GRM7: variants seen among roughly 807,000 people sequenced by gnomAD.
GRM7 encodes the protein glutamate metabotropic receptor 7.
GRM7 carries 35 observed loss-of-function variants against 84.5 expected under a neutral mutation model. The observed-to-expected ratio is 0.41, with a 90% CI of 0.32 to 0.55. GRM7 has a LOEUF of 0.55. Among genes scored for constraint, GRM7 ranks in the 20% least tolerant of loss-of-function variants. The probability of loss-of-function intolerance (pLI) is 0.19; values close to 1 mark genes in which losing one functional copy is unlikely to be tolerated. For synonymous variants in GRM7, 487 were observed against 455.1 expected, an observed-to-expected ratio of 1.07 and a Z score of -0.89; for missense variants, 1,003 against 1,194.6, an observed-to-expected ratio of 0.84 and a Z score of 2.36.
chr3:7,464,306 C>T (rs1698372839), intron 7 of GRM7, among the ~76,000 whole-genome samples: 1 of 151,984 alleles, frequency 6.6e-6, no homozygotes, highest in African/African-American at 2.4e-5. Flanking sequence ...AGGGAGGCAG[C>T]TGGGAGTAGA....
chr3:7,256,900 G>A (rs1317588527), intron 2 of GRM7, among the ~76,000 whole-genome samples: 2 of 152,166 alleles, frequency 1.3e-5, no homozygotes, highest in East Asian at 1.9e-4. Flanking sequence ...TTTTTTCAGA[G>A]GTATTTGAGA....
rs1699178077 is a variant in GRM7 at position 7,482,690 on chromosome 3, C to T, written c.1515+20968C>T. ...CAAATGTGGGTGACTCTGTTCTTTCCTGGAAGAAAGTTGATCTAGAGATAA... is the reference window on the plus strand; with the variant it reads ...CAAATGTGGGTGACTCTGTTCTTTCTTGGAAGAAAGTTGATCTAGAGATAA... On this transcript the variant is annotated intron_variant, in intron 7 of 9. Transcript: ENST00000357716. 1.3e-5 allele frequency among the ~76,000 whole-genome samples: 2 copies of T among 152,124 alleles called. 1 individual carries two copies. The highest frequency in any genetic ancestry group is 4.1e-4 in the South Asian group (2 of 4,824).
chr3:7,351,339 GAAAAAAAAAAAA>G lies in GRM7; in HGVS notation c.1033+44700_1033+44711del, dbSNP rs768248079. 3.3e-3 allele frequency among the ~76,000 whole-genome samples: 151 copies of G among 45,904 alleles called. 1 individual carries two copies. The highest frequency in any genetic ancestry group is 0.012 in the African/African-American group (144 of 11,746). 30.1% of individuals were successfully genotyped at this position (45,904 alleles called of 152,430 possible). A position where few individuals can be genotyped will look rare whatever the true frequency, so the allele number is the denominator to read the frequency against. On this transcript the variant is annotated intron_variant, in intron 4 of 9. Coordinates refer to ENST00000357716, the MANE Select transcript of GRM7 (RefSeq NM_000844.4). ...ACTCAGTTGCCTTATTCCCACAGGC[GAAAAAAAAAAAA>G]AAAAAAAAAAAACAACTGACTTATA...
rs199690151 is a variant in GRM7 at position 6,948,736 on chromosome 3, C to T, written c.519+86829C>T. Among the ~76,000 whole-genome samples the T allele has an allele frequency of 8.3e-4, 126 of 152,282 alleles. 3 individuals carry two copies. In the East Asian group the frequency reaches 0.011, roughly 13 times the overall value. On this transcript the variant is annotated intron_variant, in intron 1 of 9. Coordinates refer to ENST00000357716, the MANE Select transcript of GRM7 (RefSeq NM_000844.4). ...AGGACTTGCTTTATGAATCTGGGTG[C>T]TCCTGTATTGGGTGCATATATATTT...
intron 1 of GRM7, among the ~76,000 whole-genome samples, chr3:7,027,485 A>G (rs746434155): frequency 2.6e-5 from 4 of 152,126 alleles, no homozygotes; most frequent in Non-Finnish European, 5.9e-5. Flanking sequence ...GAGCTTACTC[A>G]TTTATGTCAT....
At chr3:7,521,268 C>A (rs1349100287) in intron 7 of GRM7, among the ~76,000 whole-genome samples, 2 of 152,162 alleles carry the variant, frequency 1.3e-5, no homozygotes, top group Admixed American at 6.5e-5. Context: ...TGGTGCATGG[C>A]CAGGTAAAAC....
chr3:7,037,807 TAAAAG>T (rs1428204917), intron 1 of GRM7, among the ~76,000 whole-genome samples: 1 of 151,988 alleles, frequency 6.6e-6, no homozygotes, highest in Admixed American at 6.6e-5. Flanking sequence ...GTTCATAAAA[TAAAAG>T]GAAAGAGAGA....
At chr3:7,201,449 G>A (rs1040663511) in intron 2 of GRM7, among the ~76,000 whole-genome samples, 2 of 152,022 alleles carry the variant, frequency 1.3e-5, no homozygotes, top group Non-Finnish European at 2.9e-5. Context: ...TAAAAGTGCT[G>A]TTTTCTTCCT....
At chr3:7,493,228 T>C (rs1328029025) in intron 7 of GRM7, among the ~76,000 whole-genome samples, 1 of 152,034 alleles carries the variant, frequency 6.6e-6, no homozygotes, top group African/African-American at 2.4e-5. Context: ...TCTTGCTGAG[T>C]TGTGTCTAGT....
chr3:6,962,787 G>A (rs1162006792), intron 1 of GRM7, among the ~76,000 whole-genome samples: 2 of 152,162 alleles, frequency 1.3e-5, no homozygotes, highest in African/African-American at 4.8e-5. Context: ...CAGTGAAGGA[G>A]GGGGACAGTT....
intron 1 of GRM7, among the ~76,000 whole-genome samples, chr3:7,007,125 C>T (rs926943667): frequency 1.3e-5 from 2 of 152,116 alleles, no homozygotes; most frequent in African/African-American, 2.4e-5. Context: ...TTAGTGATGG[C>T]GTGGCTAATG....
At chr3:7,691,142 T>G in intron 9 of GRM7, 1 of 479,594 alleles carries the variant, frequency 2.1e-6, no homozygotes, top group Non-Finnish European at 4.0e-6. Flanking sequence ...TAAATGACTA[T>G]TCTCATGTTT....
chr3:7,533,008 T>G (rs1701104884), intron 7 of GRM7, among the ~76,000 whole-genome samples: 1 of 152,042 alleles, frequency 6.6e-6, no homozygotes, highest in African/African-American at 2.4e-5. Flanking sequence ...AGCACGTTCT[T>G]AGAGACCAAC....
At chr3:7,499,732 A>C (rs1699821858) in intron 7 of GRM7, among the ~76,000 whole-genome samples, 1 of 152,002 alleles carries the variant, frequency 6.6e-6, no homozygotes, top group Non-Finnish European at 1.5e-5. Flanking sequence ...GCAGTGATCC[A>C]GCAAAAACCT....
At position 7,359,462 on chromosome 3, in the gene GRM7, G is replaced by A. The variant is rs55967135; in HGVS notation, c.1033+52810G>A. On this transcript the variant is annotated intron_variant, in intron 4 of 9. Coordinates refer to ENST00000357716, the MANE Select transcript of GRM7 (RefSeq NM_000844.4). ...CGATTCTCCTGCCTCAGTCTCCCGAGTATCTGGGATTACAGGAGTGTGCCA... is the reference window on the plus strand; with the variant it reads ...CGATTCTCCTGCCTCAGTCTCCCGAATATCTGGGATTACAGGAGTGTGCCA... 7.4e-3 allele frequency among the ~76,000 whole-genome samples: 1,081 copies of A among 145,910 alleles called. 72 individuals are homozygous for A. The highest frequency in any genetic ancestry group is 0.011 in the Non-Finnish European group (759 of 66,904).
intron 2 of GRM7, among the ~76,000 whole-genome samples, chr3:7,216,082 A>T (rs2124861117): frequency 6.6e-6 from 1 of 152,322 alleles, no homozygotes; most frequent in East Asian, 1.9e-4. Flanking sequence ...TAATAAAGTG[A>T]ATTTATTTTC....
chr3:7,705,408 TGTGAAAA>T (rs1310981421), intron 9 of GRM7, among the ~76,000 whole-genome samples: 1 of 152,128 alleles, frequency 6.6e-6, no homozygotes, highest in East Asian at 1.9e-4. Context: ...ATGAGGTCAT[TGTGAAAA>T]GTGCAGGACT....
At chr3:7,645,459 A>G (rs895888697) in intron 8 of GRM7, among the ~76,000 whole-genome samples, 1 of 150,952 alleles carries the variant, frequency 6.6e-6, no homozygotes, top group African/African-American at 2.4e-5. Flanking sequence ...AGGCATGAGA[A>G]TCACTTGAAC....
At chr3:7,320,719 T>TGTGTGTGTGC (rs910693056) in intron 4 of GRM7, among the ~76,000 whole-genome samples, 37 of 151,350 alleles carry the variant, frequency 2.4e-4, no homozygotes, top group Admixed American at 5.9e-4. Context: ...TGTGTGTGTG[T>TGTGTGTGTGC]GCAACTTCTT....
Sources: gnomAD v4.1 joint callset for allele counts (sites outside exome capture counted in the v4.1 genomes callset) on GRCh38, gnomAD v4.1.1 for gene constraint, MANE v1.5 for transcripts, NCBI Gene and HGNC (gene_info 2026-07-23, HGNC 2026-07-21) for gene names.